The following GRM7 variants were observed in gnomAD, a reference collection of about 807,000 sequenced individuals.
GRM7 encodes the protein glutamate metabotropic receptor 7, also known as metabotropic glutamate receptor 7.
Under a neutral mutation model 84.5 loss-of-function variants are expected in GRM7, and 35 were observed. The ratio of observed to expected loss-of-function variants is 0.41; its 90% CI spans 0.32 to 0.55. GRM7 has a LOEUF of 0.55. GRM7 is among the 20% of genes least tolerant of loss of function. The pLI is 0.19. For missense variants in GRM7, 1,003 were observed against 1,194.6 expected, an observed-to-expected ratio of 0.84 and a Z score of 2.36; for synonymous variants, 487 against 455.1, an observed-to-expected ratio of 1.07 and a Z score of -0.89.
chr3:7,032,635 G>C (rs767353742), intron 1 of GRM7, among the ~76,000 whole-genome samples: 7 of 151,980 alleles, frequency 4.6e-5, no homozygotes, highest in African/African-American at 1.2e-4. Flanking sequence ...ACCTCAAATT[G>C]CTGGAAGATA....
At chr3:7,068,228 A>G (rs1499156) in intron 1 of GRM7, among the ~76,000 whole-genome samples, 18,765 of 151,984 alleles carry the variant, frequency 0.12, 1,831 homozygotes, top group African/African-American at 0.27. Context: ...CAGTGGAACA[A>G]CTGAGCAAAG....
intron 5 of GRM7, among the ~76,000 whole-genome samples, chr3:7,443,629 A>T (rs1274698667): frequency 6.6e-6 from 1 of 152,108 alleles, no homozygotes; most frequent in Non-Finnish European, 1.5e-5. Context: ...TAATACATAG[A>T]TCCAGAGCTT....
At chr3:7,395,783 T>C (rs1695188277) in intron 4 of GRM7, among the ~76,000 whole-genome samples, 2 of 152,196 alleles carry the variant, frequency 1.3e-5, no homozygotes, top group African/African-American at 4.8e-5. Context: ...CTTTCCTTTA[T>C]AAATTACCTA....
chr3:7,531,473 C>A (rs1335820177), intron 7 of GRM7, among the ~76,000 whole-genome samples: 1 of 152,120 alleles, frequency 6.6e-6, no homozygotes, highest in African/African-American at 2.4e-5. Context: ...TTGTTTGTGT[C>A]CTCTCTTATT....
At chr3:7,639,133 G>C (rs1220504029) in intron 8 of GRM7, among the ~76,000 whole-genome samples, 2 of 152,146 alleles carry the variant, frequency 1.3e-5, no homozygotes, top group African/African-American at 4.8e-5. Flanking sequence ...CCTACATGGT[G>C]TGTATTAAAT....
chr3:7,309,208 A>G (rs1700304338), intron 4 of GRM7, among the ~76,000 whole-genome samples: 1 of 152,226 alleles, frequency 6.6e-6, no homozygotes, highest in South Asian at 2.1e-4. Context: ...CAGAACATTA[A>G]GATAGCATCT....
intron 1 of GRM7, among the ~76,000 whole-genome samples, chr3:7,118,078 T>C (rs997150683): frequency 3.9e-5 from 6 of 152,106 alleles, no homozygotes; most frequent in African/African-American, 1.4e-4. Context: ...TTCCTATGCA[T>C]AATTATTTAT....
chr3:6,881,960 T>C (rs7651591), intron 1 of GRM7, among the ~76,000 whole-genome samples: 25,637 of 151,276 alleles, frequency 0.17, 2,569 homozygotes, highest in African/African-American at 0.28. Flanking sequence ...TGTGTATTAG[T>C]ATGAGCTGAA....
intron 6 of GRM7, 126 bp from the exon 7 acceptor site, chr3:7,461,457 C>A (rs1316623584): frequency 7.4e-6 from 5 of 679,486 alleles, no homozygotes; most frequent in Non-Finnish European, 1.0e-5. Context: ...TTGGGGGGAC[C>A]TATTAAAGGG....
intron 4 of GRM7, among the ~76,000 whole-genome samples, chr3:7,399,979 C>A (rs1459661705): frequency 6.6e-6 from 1 of 152,138 alleles, no homozygotes; most frequent in Non-Finnish European, 1.5e-5. Flanking sequence ...CAAGTACCTA[C>A]CTCAGAGGTA....
intron 7 of GRM7, among the ~76,000 whole-genome samples, chr3:7,554,445 C>A (rs535470182): frequency 1.3e-5 from 2 of 152,266 alleles, no homozygotes; most frequent in East Asian, 3.9e-4. Context: ...CCCTTAGAAG[C>A]TTACAGTTGA....
intron 1 of GRM7, among the ~76,000 whole-genome samples, chr3:7,139,056 A>C (rs1007840726): frequency 6.8e-5 from 10 of 147,616 alleles, no homozygotes; most frequent in African/African-American, 2.2e-4. Context: ...TTTATAATAT[A>C]TAGTACATTA....
intron 4 of GRM7, among the ~76,000 whole-genome samples, chr3:7,328,038 T>C (rs967278784): frequency 6.6e-6 from 1 of 152,146 alleles, no homozygotes; most frequent in Non-Finnish European, 1.5e-5. Context: ...AGCCAGAAAT[T>C]GAACACAGGG....
chr3:7,452,976 G>A (rs1697838556), intron 6 of GRM7, among the ~76,000 whole-genome samples, 169 bp downstream of exon 6: 1 of 151,512 alleles, frequency 6.6e-6, no homozygotes, highest in Non-Finnish European at 1.5e-5. Context: ...ATGTAAGAAT[G>A]AGTTAAGATA....
At chr3:7,433,250 G>A (rs1696904003) in intron 5 of GRM7, among the ~76,000 whole-genome samples, 1 of 152,170 alleles carries the variant, frequency 6.6e-6, no homozygotes. Flanking sequence ...GAGATCAAAG[G>A]TGCACCCATG....
chr3:7,425,439 A>T (rs1575317791), intron 5 of GRM7, among the ~76,000 whole-genome samples: 1 of 152,198 alleles, frequency 6.6e-6, no homozygotes, highest in Non-Finnish European at 1.5e-5. Flanking sequence ...CTCTGAATAT[A>T]TCTCATTTGC....
intron 2 of GRM7, among the ~76,000 whole-genome samples, chr3:7,184,726 A>T (rs1695458066): frequency 6.6e-6 from 1 of 152,124 alleles, no homozygotes. Context: ...ATGAATATTT[A>T]TATATTCAAA....
At chr3:7,588,672 C>T (rs951673532) in intron 8 of GRM7, among the ~76,000 whole-genome samples, 8 of 152,140 alleles carry the variant, frequency 5.3e-5, no homozygotes, top group Non-Finnish European at 8.8e-5. Flanking sequence ...CAAGTTCATG[C>T]CACTACACTA....
At chr3:7,121,381 C>T (rs545477931) in intron 1 of GRM7, among the ~76,000 whole-genome samples, 1 of 143,434 alleles carries the variant, frequency 7.0e-6, no homozygotes, top group Admixed American at 7.0e-5. Context: ...ATCCATCCAT[C>T]CCCTCTATTC....
Sources: gnomAD v4.1 joint callset for allele counts (sites outside exome capture counted in the v4.1 genomes callset) on GRCh38, gnomAD v4.1.1 for gene constraint, MANE v1.5 for transcripts, NCBI Gene and HGNC (gene_info 2026-07-23, HGNC 2026-07-21) for gene names.